ERBB4: variants seen among roughly 807,000 people sequenced by gnomAD.
ERBB4 encodes the protein erb-b2 receptor tyrosine kinase 4.
In ERBB4, 42 loss-of-function variants were observed where a neutral mutation model predicts 158.0. The observed-to-expected ratio is 0.27, with a 90% CI of 0.21 to 0.34. The LOEUF (loss-of-function observed/expected upper bound fraction) is 0.34, where lower values mean the gene tolerates loss of function less well. ERBB4 is among the 10% of genes least tolerant of loss of function. ERBB4 has a pLI of 1.00. For synonymous variants in ERBB4, 583 were observed against 558.7 expected, an observed-to-expected ratio of 1.04 and a Z score of -0.61; for missense variants, 1,333 against 1,624.1, an observed-to-expected ratio of 0.82 and a Z score of 3.08.
intron 2 of ERBB4, among the ~76,000 whole-genome samples, chr2:212,036,717 G>T (rs1011988692): frequency 7.2e-5 from 11 of 152,084 alleles, no homozygotes; most frequent in Non-Finnish European, 1.5e-4. Context: ...TCCCGCCTCG[G>T]CCTGACAAAG....
chr2:212,302,791 T>C (rs2086668947), intron 1 of ERBB4, among the ~76,000 whole-genome samples: 1 of 151,536 alleles, frequency 6.6e-6, no homozygotes, highest in African/African-American at 2.4e-5. Flanking sequence ...TTGTGATTGT[T>C]AAGAAAACAC....
At chr2:211,764,387 A>G (rs989314818) in intron 4 of ERBB4, among the ~76,000 whole-genome samples, 1 of 152,206 alleles carries the variant, frequency 6.6e-6, no homozygotes, top group African/African-American at 2.4e-5. Context: ...TCTGTTTTCT[A>G]AAAAATGTTT....
At chr2:211,934,934 A>AAAAAAAAAAAAAAAC (rs1553516072) in intron 3 of ERBB4, among the ~76,000 whole-genome samples, 1 of 149,712 alleles carries the variant, frequency 6.7e-6, no homozygotes, top group Non-Finnish European at 1.5e-5. Context: ...GCTAAAAAAA[A>AAAAAAAAAAAAAAAC]AAAAAAACTG....
intron 3 of ERBB4, among the ~76,000 whole-genome samples, chr2:211,935,904 T>C (rs2080309693): frequency 2.0e-5 from 3 of 152,182 alleles, no homozygotes; most frequent in African/African-American, 7.2e-5. Flanking sequence ...TTGTTATTAT[T>C]GTTATTATTA....
intron 2 of ERBB4, among the ~76,000 whole-genome samples, chr2:212,116,498 A>G (rs2079575826): frequency 6.6e-6 from 1 of 152,082 alleles, no homozygotes; most frequent in Admixed American, 6.6e-5. Context: ...CACAGGTTTG[A>G]GTGTAGTGGC....
At chr2:212,028,052 T>C (rs1333627739) in intron 2 of ERBB4, among the ~76,000 whole-genome samples, 1 of 152,120 alleles carries the variant, frequency 6.6e-6, no homozygotes, top group African/African-American at 2.4e-5. Flanking sequence ...AGTTGCCAGT[T>C]GTTGTCCAGC....
intron 1 of ERBB4, among the ~76,000 whole-genome samples, chr2:212,256,832 T>G (rs1574534169): frequency 6.6e-6 from 1 of 152,128 alleles, no homozygotes; most frequent in African/African-American, 2.4e-5. Flanking sequence ...ATATTTTTCT[T>G]TGTCATAATC....
At chr2:212,362,671 C>A (rs758455517) in intron 1 of ERBB4, among the ~76,000 whole-genome samples, 1 of 150,250 alleles carries the variant, frequency 6.7e-6, no homozygotes, top group Admixed American at 6.7e-5. Context: ...TTTACCAATG[C>A]CAACACAGCC....
At chr2:212,492,163 A>G (rs1480734432) in intron 1 of ERBB4, among the ~76,000 whole-genome samples, 1 of 151,516 alleles carries the variant, frequency 6.6e-6, no homozygotes, top group Admixed American at 6.6e-5. Context: ...TACTTAGGTA[A>G]AATATGAAAT....
intron 1 of ERBB4, among the ~76,000 whole-genome samples, chr2:212,190,781 G>A (rs1308704391): frequency 6.6e-6 from 1 of 152,048 alleles, no homozygotes; most frequent in Admixed American, 6.6e-5. Flanking sequence ...GGATAAAGTA[G>A]GCCATATTTT....
intron 2 of ERBB4, among the ~76,000 whole-genome samples, chr2:212,102,090 T>TTTTATATATATATATATATATATA (rs1553558604): frequency 9.3e-6 from 1 of 107,978 alleles, no homozygotes; most frequent in Non-Finnish European, 2.1e-5. Flanking sequence ...AAAATTTATT[T>TTTTATATATATATATATATATATA]TATATATATA....
In ERBB4 at chr2:212,311,187, A is replaced by C. The variant is rs182968889; in HGVS notation, c.83-186284T>G. Among the ~76,000 whole-genome samples the C allele has an allele frequency of 5.2e-3, 784 of 151,038 alleles. 4 individuals carry two copies. The highest frequency in any genetic ancestry group is 0.017 in the Middle Eastern group (5 of 294). On this transcript the variant is annotated intron_variant, in intron 1 of 27. Coordinates refer to ENST00000342788, the MANE Select transcript of ERBB4 (RefSeq NM_005235.3). ...TTGTCAAATTAGTAACTTAGGTTAG[A>C]GATAGGGGTCATCAAATTTTTATAT...
chr2:211,817,224 A>G (rs2076897469), intron 3 of ERBB4, among the ~76,000 whole-genome samples: 2 of 152,214 alleles, frequency 1.3e-5, no homozygotes, highest in Admixed American at 1.3e-4. Flanking sequence ...ATAAATAATT[A>G]GTGTCCCCAC....
At chr2:212,536,757 G>A (rs1027098853) in intron 1 of ERBB4, among the ~76,000 whole-genome samples, 2 of 152,156 alleles carry the variant, frequency 1.3e-5, no homozygotes, top group Admixed American at 1.3e-4. Context: ...TCGGAGCGGG[G>A]TCCCCCAGTG....
chr2:212,143,955 T>G (rs141906908), intron 1 of ERBB4, among the ~76,000 whole-genome samples: 1,559 of 151,452 alleles, frequency 0.01, 17 homozygotes, highest in African/African-American at 0.036. Context: ...GGTGGCAGAG[T>G]TTGCAGTGAG....
intron 1 of ERBB4, among the ~76,000 whole-genome samples, chr2:212,476,689 A>C (rs1351400672): frequency 6.6e-6 from 1 of 152,188 alleles, no homozygotes; most frequent in African/African-American, 2.4e-5. Flanking sequence ...AACTTTATGA[A>C]GAGTAAATAC....
chr2:211,766,877 G>A (rs901946593), intron 4 of ERBB4, among the ~76,000 whole-genome samples: 6 of 152,154 alleles, frequency 3.9e-5, no homozygotes, highest in African/African-American at 1.4e-4. Flanking sequence ...TGATTGGTCT[G>A]CTCCTGAAAC....
intron 1 of ERBB4, among the ~76,000 whole-genome samples, chr2:212,495,602 A>T (rs1157412131): frequency 1.3e-5 from 2 of 152,186 alleles, no homozygotes; most frequent in South Asian, 4.1e-4. Context: ...ATAGAAATGT[A>T]CCTGGCGAGG....
At chr2:212,226,076 C>T (rs537417942) in intron 1 of ERBB4, among the ~76,000 whole-genome samples, 8 of 152,208 alleles carry the variant, frequency 5.3e-5, no homozygotes, top group South Asian at 4.1e-4. Flanking sequence ...AGATTCAAAT[C>T]GGCAAAGATG....
Sources: allele counts gnomAD v4.1 joint callset (sites outside exome capture counted in the v4.1 genomes callset), GRCh38; gene constraint gnomAD v4.1.1; transcripts MANE v1.5; gene names NCBI Gene and HGNC (gene_info 2026-07-23, HGNC 2026-07-21).